Variants in SNTB1 observed in about 807,000 individuals in gnomAD.
SNTB1 encodes syntrophin beta 1.
In SNTB1, 36 loss-of-function variants were observed where a neutral mutation model predicts 48.9. That is an observed-to-expected ratio of 0.74 (90% CI 0.56 to 0.97). The LOEUF (loss-of-function observed/expected upper bound fraction) is 0.97, where lower values mean the gene tolerates loss of function less well. Among genes scored for constraint, SNTB1 ranks in the 50% least tolerant of loss-of-function variants. The probability of loss-of-function intolerance (pLI) is 0.00; values close to 1 mark genes in which losing one functional copy is unlikely to be tolerated. For synonymous variants in SNTB1, 299 were observed against 294.6 expected, an observed-to-expected ratio of 1.01 and a Z score of -0.15; for missense variants, 786 against 703.4, an observed-to-expected ratio of 1.12 and a Z score of -1.33.
At chr8:120,806,703 A>C (rs1288042935) in intron 1 of SNTB1, among the ~76,000 whole-genome samples, 1 of 152,214 alleles carries the variant, frequency 6.6e-6, no homozygotes, top group Non-Finnish European at 1.5e-5. Flanking sequence ...TCCAGTAAAG[A>C]AAACTAAGCC....
chr8:120,682,410 C>A (rs11989782), intron 2 of SNTB1, among the ~76,000 whole-genome samples: 26,574 of 152,176 alleles, frequency 0.17, 2,926 homozygotes, highest in Non-Finnish European at 0.24. Context: ...TACTTAGTCT[C>A]ATTCACTATA....
At chr8:120,792,086 A>G (rs1820044707) in intron 1 of SNTB1, among the ~76,000 whole-genome samples, 1 of 149,950 alleles carries the variant, frequency 6.7e-6, no homozygotes, top group Non-Finnish European at 1.5e-5. Flanking sequence ...TCATATATAT[A>G]TGAGTACTAA....
chr8:120,599,699 T>C (rs1156503627), intron 3 of SNTB1, among the ~76,000 whole-genome samples: 1 of 152,204 alleles, frequency 6.6e-6, no homozygotes, highest in Non-Finnish European at 1.5e-5. Context: ...TTTATATATG[T>C]CAAAGAGATG....
chr8:120,712,189 G>A lies in SNTB1; in HGVS notation c.572-18281C>T, dbSNP rs143681584. The stretch of plus-strand genomic sequence containing the variant: ...AGCACTTTGGGAGGATAAGCCAGGC[G>A]GATCAATGAGGTCAGGAGATCGAGA... On this transcript the variant is annotated intron_variant, in intron 1 of 6. Transcript: ENST00000517992. 9.9e-3 allele frequency among the ~76,000 whole-genome samples: 1,504 copies of A among 152,164 alleles called. 25 individuals are homozygous for A. The highest frequency in any genetic ancestry group is 0.035 in the African/African-American group (1,453 of 41,506).
chr8:120,733,136 GACAAATAGCCTTTCTA>G (rs1818880517), intron 1 of SNTB1, among the ~76,000 whole-genome samples: 1 of 152,202 alleles, frequency 6.6e-6, no homozygotes, highest in Admixed American at 6.5e-5. Context: ...GTATGAGGTA[GACAAATAGCCTTTCTA>G]ACAAACACGA....
chr8:120,544,974 T>C (rs943933367), intron 5 of SNTB1, among the ~76,000 whole-genome samples: 21 of 152,140 alleles, frequency 1.4e-4, no homozygotes, highest in African/African-American at 5.1e-4. Context: ...AAACATCTCA[T>C]TTTTCATGAT....
At chr8:120,682,656 A>G (rs1817951591) in intron 2 of SNTB1, among the ~76,000 whole-genome samples, 1 of 152,160 alleles carries the variant, frequency 6.6e-6, no homozygotes, top group African/African-American at 2.4e-5. Flanking sequence ...AAAGTATTTC[A>G]CATGGGTTGC....
intron 3 of SNTB1, among the ~76,000 whole-genome samples, chr8:120,582,888 G>T (rs1816072758): frequency 6.6e-6 from 1 of 151,992 alleles, no homozygotes; most frequent in African/African-American, 2.4e-5. Flanking sequence ...TAACAAACCT[G>T]TTCATAGCAT....
intron 1 of SNTB1, among the ~76,000 whole-genome samples, chr8:120,716,064 A>G (rs1176002115): frequency 6.6e-6 from 1 of 152,054 alleles, no homozygotes; most frequent in Non-Finnish European, 1.5e-5. Context: ...CATCTTTCCC[A>G]CTAGATTCTG....
rs1440374977 is a variant in SNTB1 at position 120,811,358 on chromosome 8, G to T, written c.486C>A (p.Ser162=). 1 of 1,613,578 alleles carries T rather than the reference G, an allele frequency of 6.2e-7. No homozygotes were observed. Among genetic ancestry groups the T allele is most frequent in the Non-Finnish European group, 8.5e-7 (1 of 1,179,908 alleles). Residue 162 remains serine, a synonymous_variant, in exon 1 of 7, where the codon TCC becomes TCA. Transcript: ENST00000517992. ...CGTCCCGCAGGTCGGCTCCGTTCAC[G>T]GACAGGATGGCGTCGCCCACGTACA... ...QALYVGDAIL[S]VNGADLRDAT... is the part of the protein sequence containing the mutation.
At chr8:120,773,071 GA>G (rs1267601211) in intron 1 of SNTB1, among the ~76,000 whole-genome samples, 2 of 151,372 alleles carry the variant, frequency 1.3e-5, no homozygotes, top group South Asian at 4.2e-4. Context: ...TTTAAGAACT[GA>G]AAAAAAAGCC....
intron 1 of SNTB1, among the ~76,000 whole-genome samples, chr8:120,697,794 G>A (rs553706545): frequency 1.2e-4 from 19 of 152,280 alleles, no homozygotes; most frequent in African/African-American, 4.6e-4. Flanking sequence ...AACCTTGAGA[G>A]AATCTTCCAC....
intron 1 of SNTB1, among the ~76,000 whole-genome samples, chr8:120,715,223 C>T (rs1281447465): frequency 2.0e-5 from 3 of 152,184 alleles, no homozygotes; most frequent in Non-Finnish European, 4.4e-5. Flanking sequence ...CAAATTTAGC[C>T]TAAATGAGTG....
At chr8:120,580,679 G>A (rs1182907014) in intron 3 of SNTB1, among the ~76,000 whole-genome samples, 1 of 152,156 alleles carries the variant, frequency 6.6e-6, no homozygotes, top group Non-Finnish European at 1.5e-5. Flanking sequence ...AGGTTGCTAG[G>A]TGTTTAGCAC....
chr8:120,758,773 G>A (rs1819361098), intron 1 of SNTB1, among the ~76,000 whole-genome samples: 3 of 152,064 alleles, frequency 2.0e-5, no homozygotes, highest in Non-Finnish European at 4.4e-5. Flanking sequence ...CCTACACAGG[G>A]GGCCCAAGAG....
At position 120,542,011 on chromosome 8, in the gene SNTB1, AAGAG is replaced by A; in HGVS notation, c.1334-15_1334-12del. 6.2e-7 allele frequency: 1 copy of A among 1,609,756 alleles called. No homozygotes were observed. The highest frequency in any genetic ancestry group is 8.5e-7 in the Non-Finnish European group (1 of 1,177,986). Reference sequence around the variant, plus strand: ...TTTTGTAGGTGCAAGCTGAGAGAGAAAGAGAGAGAAAAAGAGACAAGTATGAACC... The same window carrying A: ...TTTTGTAGGTGCAAGCTGAGAGAGAAAGAGAAAAAGAGACAAGTATGAACC... On this transcript the variant is annotated splice_polypyrimidine_tract_variant and intron_variant, in intron 5 of 6. Coordinates refer to ENST00000517992, the MANE Select transcript of SNTB1 (RefSeq NM_021021.4).
chr8:120,811,590 G>A lies in SNTB1; in HGVS notation c.254C>T (p.Pro85Leu), dbSNP rs1219030022. ...GHPGAGGAQPPDSPAGVRTAF... is the reference protein window; with the variant it reads ...GHPGAGGAQPLDSPAGVRTAF... ...GGTGCGGACCCCGGCGGGCGAGTCC[G>A]GGGGCTGCGCGCCGCCCGCGCCCGG... Residue 85 changes from proline (P) to leucine (L), a missense_variant, in exon 1 of 7, where the codon CCG becomes CTG. Pro to Leu is a moderately conservative substitution (Grantham distance 98). Transcript: ENST00000517992. The A allele has an allele frequency of 2.6e-6, 4 of 1,565,460 alleles. No homozygotes were observed. The highest frequency in any genetic ancestry group is 1.2e-5 in the South Asian group (1 of 86,062).
Position 120,621,565 on chromosome 8 carries a change from C to T in SNTB1, c.996+10879G>A, listed in dbSNP as rs183832571. 2.2e-3 allele frequency among the ~76,000 whole-genome samples: 331 copies of T among 152,202 alleles called. 1 individual carries two copies. Among genetic ancestry groups the T allele is most frequent in the African/African-American group, 7.7e-3 (320 of 41,516 alleles). On this transcript the variant is annotated intron_variant, in intron 3 of 6. Transcript: ENST00000517992. ...TAGTAGGTTGGTGCAAAAGTAATTG[C>T]ATAATTAAAGTAATGGCAAAAATCA... is the stretch of plus-strand genomic sequence containing the variant.
Position 120,602,799 on chromosome 8 carries a change from AT to A in SNTB1, c.997-27575del, listed in dbSNP as rs1211741853. On this transcript the variant is annotated intron_variant, in intron 3 of 6. Coordinates refer to ENST00000517992, the MANE Select transcript of SNTB1 (RefSeq NM_021021.4). ...AAATTAATTTTTAAAAATTATATAT[AT>A]AAATTATATAATAAAAAGCATTTAA... 2.7e-5 allele frequency among the ~76,000 whole-genome samples: 4 copies of A among 150,550 alleles called. No individual in the cohort carries two copies. In the East Asian group the frequency reaches 5.8e-4, roughly 22 times the overall value.
Sources: allele counts gnomAD v4.1 joint callset (sites outside exome capture counted in the v4.1 genomes callset), GRCh38; gene constraint gnomAD v4.1.1; transcripts MANE v1.5; gene names NCBI Gene and HGNC (gene_info 2026-07-23, HGNC 2026-07-21).